RNF150: variants seen among roughly 807,000 people sequenced by gnomAD.
RNF150 encodes the protein ring finger protein 150.
A neutral mutation model predicts 39.3 loss-of-function variants in RNF150; 24 were observed. The ratio of observed to expected loss-of-function variants is 0.61; its 90% CI spans 0.44 to 0.86. The LOEUF (loss-of-function observed/expected upper bound fraction) is 0.86. RNF150 is among the 40% of genes least tolerant of loss of function. The pLI is 0.00. For synonymous variants in RNF150, 255 were observed against 227.3 expected, an observed-to-expected ratio of 1.12 and a Z score of -1.10; for missense variants, 502 against 587.8, an observed-to-expected ratio of 0.85 and a Z score of 1.51.
At chr4:140,930,722 C>T (rs1484420655) in intron 4 of RNF150, among the ~76,000 whole-genome samples, 1 of 152,214 alleles carries the variant, frequency 6.6e-6, no homozygotes, top group East Asian at 1.9e-4. Context: ...CTCCACACTG[C>T]CAGTCTTTTC....
intron 1 of RNF150, among the ~76,000 whole-genome samples, chr4:141,172,198 T>C (rs1727741007): frequency 6.6e-6 from 1 of 152,184 alleles, no homozygotes; most frequent in Admixed American, 6.5e-5. Context: ...TACTTCTCTG[T>C]CTTCTGGGAC....
chr4:141,195,715 G>T (rs1474413638), intron 1 of RNF150, among the ~76,000 whole-genome samples: 1 of 152,198 alleles, frequency 6.6e-6, no homozygotes, highest in Non-Finnish European at 1.5e-5. Flanking sequence ...AGGGGAGAAA[G>T]ATTTTATGCA....
At chr4:140,930,900 T>G (rs1484804780) in intron 4 of RNF150, among the ~76,000 whole-genome samples, 1 of 93,128 alleles carries the variant, frequency 1.1e-5, no homozygotes, top group Non-Finnish European at 2.3e-5. Context: ...AGCGATTCAC[T>G]GTTAACGACA....
chr4:141,180,416 C>T (rs1261784400), intron 1 of RNF150, among the ~76,000 whole-genome samples: 1 of 152,120 alleles, frequency 6.6e-6, no homozygotes, highest in East Asian at 1.9e-4. Context: ...GCTACCCCAG[C>T]TAAAAAGAAT....
chr4:140,876,676 GGTGAGCACAT>G (rs1415602656), intron 6 of RNF150, among the ~76,000 whole-genome samples: 2 of 152,180 alleles, frequency 1.3e-5, no homozygotes, highest in Non-Finnish European at 2.9e-5. Context: ...TATAGGTGAG[GGTGAGCACAT>G]AGAAGATGGA....
upstream of RNF150, among the ~76,000 whole-genome samples, chr4:141,138,086 C>T (rs1727054505): frequency 6.6e-6 from 1 of 152,186 alleles, no homozygotes; most frequent in Non-Finnish European, 1.5e-5. Context: ...AACTCTCAAC[C>T]TTGACGCTGC....
intron 1 of RNF150, among the ~76,000 whole-genome samples, chr4:140,997,735 C>CACATATATGTGTGTG (rs1553935409): frequency 6.6e-6 from 1 of 151,654 alleles, no homozygotes; most frequent in Non-Finnish European, 1.5e-5. Flanking sequence ...TAAAAAGATA[C>CACATATATGTGTGTG]TAGCTGCATA....
chr4:140,862,881 A>C lies in RNF150; in HGVS notation c.*5380T>G, dbSNP rs189790166. ...GAAGCTTTCCAGCCCTGCTTTGACC[A>C]GCTCCCTGATCAGAGATCCTGCCAT... On this transcript the variant is annotated 3_prime_UTR_variant, in exon 7 of 7. Coordinates refer to ENST00000515673, the MANE Select transcript of RNF150 (RefSeq NM_020724.2). The C allele has an allele frequency of 7.9e-5, 12 of 152,322 alleles. No homozygotes were observed. Among genetic ancestry groups the C allele is most frequent in the African/African-American group, 2.9e-4 (12 of 41,568 alleles). 9.4% of individuals were successfully genotyped at this position (152,322 alleles called of 1,614,324 possible).
chr4:141,197,981 A>T (rs1347016613), intron 1 of RNF150, among the ~76,000 whole-genome samples: 1 of 151,936 alleles, frequency 6.6e-6, no homozygotes, highest in Non-Finnish European at 1.5e-5. Flanking sequence ...TAACAAGGCA[A>T]TTTGATTGCT....
intron 6 of RNF150, among the ~76,000 whole-genome samples, chr4:140,905,056 T>G (rs1730324989): frequency 6.6e-6 from 1 of 152,150 alleles, no homozygotes; most frequent in South Asian, 2.1e-4. Context: ...TTTCCTATAA[T>G]GAGTTGGAGT....
intron 1 of RNF150, among the ~76,000 whole-genome samples, chr4:141,024,772 A>G (rs13151459): frequency 0.12 from 18,814 of 152,086 alleles, 1,291 homozygotes; most frequent in Admixed American, 0.17. Flanking sequence ...CCAGAAGTAC[A>G]TTTTCCATAC....
At chr4:141,076,626 C>T (rs1737904100) in intron 1 of RNF150, among the ~76,000 whole-genome samples, 1 of 151,664 alleles carries the variant, frequency 6.6e-6, no homozygotes, top group Non-Finnish European at 1.5e-5. Flanking sequence ...TCCTGATTTT[C>T]CTCCATTCCT....
At chr4:141,154,866 C>T (rs1386127419) in intron 1 of RNF150, among the ~76,000 whole-genome samples, 1 of 152,068 alleles carries the variant, frequency 6.6e-6, no homozygotes, top group Non-Finnish European at 1.5e-5. Context: ...TTATCAGTAA[C>T]CCTAAAGATG....
intron 5 of RNF150, among the ~76,000 whole-genome samples, chr4:140,911,876 C>T (rs1730620978): frequency 6.6e-6 from 1 of 152,056 alleles, no homozygotes; most frequent in Admixed American, 6.6e-5. Flanking sequence ...ACACAGAGCA[C>T]AGGATAAGGC....
At chr4:141,209,692 T>C (rs1216739665) in intron 1 of RNF150, among the ~76,000 whole-genome samples, 1 of 152,134 alleles carries the variant, frequency 6.6e-6, no homozygotes, top group East Asian at 1.9e-4. Context: ...CATGGATTCA[T>C]AGTTAAAACC....
At chr4:140,988,028 A>G (rs1235664770) in intron 1 of RNF150, among the ~76,000 whole-genome samples, 3 of 152,208 alleles carry the variant, frequency 2.0e-5, no homozygotes, top group African/African-American at 7.2e-5. Flanking sequence ...ATCATTAGAG[A>G]AATGCAAATC....
chr4:141,082,908 T>C (rs920565685), intron 1 of RNF150, among the ~76,000 whole-genome samples: 2 of 152,194 alleles, frequency 1.3e-5, no homozygotes, highest in Non-Finnish European at 2.9e-5. Context: ...GCCCAATATA[T>C]TTCTTCTTCC....
chr4:140,904,615 T>C (rs1730309754), intron 6 of RNF150, among the ~76,000 whole-genome samples: 1 of 152,222 alleles, frequency 6.6e-6, no homozygotes, highest in Admixed American at 6.5e-5. Flanking sequence ...CATCAGTATA[T>C]TTTGTAGTCA....
chr4:141,013,739 G>T (rs1735159395), intron 1 of RNF150, among the ~76,000 whole-genome samples: 1 of 152,100 alleles, frequency 6.6e-6, no homozygotes, highest in Non-Finnish European at 1.5e-5. Context: ...ACACTTACAG[G>T]ATGTAACGTG....
Sources: gnomAD v4.1 joint callset for allele counts (sites outside exome capture counted in the v4.1 genomes callset) on GRCh38, gnomAD v4.1.1 for gene constraint, MANE v1.5 for transcripts, NCBI Gene and HGNC (gene_info 2026-07-23, HGNC 2026-07-21) for gene names.